Variants in CAPN9 observed in about 807,000 individuals in gnomAD.
CAPN9 encodes the protein calpain 9.
A neutral mutation model predicts 92.8 loss-of-function variants in CAPN9; 81 were observed. The observed-to-expected ratio is 0.87, with a 90% CI of 0.73 to 1.05. CAPN9 has a LOEUF of 1.05. Ranked by LOEUF, CAPN9 falls within the 50% of genes least tolerant of loss-of-function variation. CAPN9 has a pLI of 0.00. For missense variants in CAPN9, 848 were observed against 866.2 expected, an observed-to-expected ratio of 0.98 and a Z score of 0.26; for synonymous variants, 304 against 328.0, an observed-to-expected ratio of 0.93 and a Z score of 0.79.
intron 4 of CAPN9, among the ~76,000 whole-genome samples, chr1:230,764,250 G>A (rs1665825093): frequency 6.6e-6 from 1 of 152,216 alleles, no homozygotes; most frequent in East Asian, 1.9e-4. Flanking sequence ...ATGTGGACGA[G>A]CATTATTCAG....
chr1:230,751,585 CAAAGAAAGAAAG>C lies in CAPN9; in HGVS notation c.214-3738_214-3727del, dbSNP rs150498348. 3.1e-3 allele frequency among the ~76,000 whole-genome samples: 178 copies of C among 57,460 alleles called. 3 individuals carry two copies. Among genetic ancestry groups the C allele is most frequent in the South Asian group, 4.9e-3 (8 of 1,646 alleles). 37.7% of individuals were successfully genotyped at this position (57,460 alleles called of 152,430 possible). A position where few individuals can be genotyped will look rare whatever the true frequency, so the allele number is the denominator to read the frequency against. The stretch of plus-strand genomic sequence containing the variant: ...GAGAAAGAAAGAAAGAAGAAAGAAA[CAAAGAAAGAAAG>C]AAAGAAAGAAAGAGAAAGAAAGAAA... On this transcript the variant is annotated intron_variant, in intron 1 of 19. Coordinates refer to ENST00000271971, the MANE Select transcript of CAPN9 (RefSeq NM_006615.3).
At position 230,793,532 on chromosome 1, in the gene CAPN9, C is replaced by T. The variant is rs28359720; in HGVS notation, c.1870+604C>T. ...GATGGCTGTCGGCATCTCTGTGGTC[C>T]CATGTCCTGCACACACAACCGTAGT... On this transcript the variant is annotated intron_variant, in intron 17 of 19. Transcript: ENST00000271971. Among the ~76,000 whole-genome samples, 1,247 of 152,304 alleles carry T rather than the reference C, an allele frequency of 8.2e-3. 12 individuals are homozygous for T. Among genetic ancestry groups the T allele is most frequent in the East Asian group, 0.034 (176 of 5,176 alleles).
In CAPN9 at chr1:230,778,861, C is replaced by A. The variant is rs532569955; in HGVS notation, c.954-112C>A. 15 of 1,010,340 alleles carry A rather than the reference C, an allele frequency of 1.5e-5. No individual in the cohort carries two copies. The Admixed American group carries it at 3.3e-4, about 23-fold the overall frequency. 62.6% of individuals were successfully genotyped at this position (1,010,340 alleles called of 1,614,324 possible). On this transcript the variant is annotated intron_variant, in intron 8 of 19. Coordinates refer to ENST00000271971, the MANE Select transcript of CAPN9 (RefSeq NM_006615.3). Reference sequence around the variant, plus strand: ...CACTTTGCAGTCCCCCCACTCCTTGCGGACAGGAACAAGATGATTTAATGA... The same window carrying A: ...CACTTTGCAGTCCCCCCACTCCTTGAGGACAGGAACAAGATGATTTAATGA...
chr1:230,773,592 G>A (rs764312749), intron 7 of CAPN9, among the ~76,000 whole-genome samples: 6 of 152,180 alleles, frequency 3.9e-5, no homozygotes, highest in Non-Finnish European at 5.9e-5. Context: ...CCCTGACTTC[G>A]CTGTGCTGCT....
intron 19 of CAPN9, among the ~76,000 whole-genome samples, chr1:230,798,685 G>A (rs1242458657): frequency 6.6e-6 from 1 of 152,182 alleles, no homozygotes; most frequent in African/African-American, 2.4e-5. Flanking sequence ...TGACGGGGGT[G>A]GGAGACCATG....
At chr1:230,800,631 A>G (rs544862546) in intron 19 of CAPN9, among the ~76,000 whole-genome samples, 1 of 152,262 alleles carries the variant, frequency 6.6e-6, no homozygotes, top group Admixed American at 6.5e-5. Context: ...AGTGAAAACC[A>G]TTGCATTCTC....
chr1:230,781,720 A>G (rs375032411), intron 11 of CAPN9, among the ~76,000 whole-genome samples: 7 of 152,378 alleles, frequency 4.6e-5, no homozygotes, highest in South Asian at 4.1e-4. Context: ...TAAGTCTCCA[A>G]CAAAAGATCA....
intron 19 of CAPN9, among the ~76,000 whole-genome samples, chr1:230,800,280 AAGAAAG>A (rs1273612014): frequency 5.9e-5 from 8 of 134,500 alleles, no homozygotes; most frequent in African/African-American, 2.0e-4. Context: ...GAAAGAAAGA[AAGAAAG>A]AAAGAAAGAA....
chr1:230,776,383 C>T (rs1326190542), intron 8 of CAPN9: 1 of 150,964 alleles, frequency 6.6e-6, no homozygotes, highest in African/African-American at 2.4e-5. Context: ...GGGGAGACCA[C>T]AAACATTCAG....
At chr1:230,777,488 T>A (rs571621408) in intron 8 of CAPN9, among the ~76,000 whole-genome samples, 11 of 151,944 alleles carry the variant, frequency 7.2e-5, no homozygotes, top group South Asian at 6.2e-4. Flanking sequence ...TACGTATGAA[T>A]TCCCCCCTTC....
intron 1 of CAPN9, among the ~76,000 whole-genome samples, chr1:230,754,053 G>A (rs1357521153): frequency 1.4e-5 from 2 of 146,220 alleles, no homozygotes; most frequent in African/African-American, 5.1e-5. Flanking sequence ...CTTCTGGGAG[G>A]TGGTGGCAGC....
chr1:230,791,729 C>T lies in CAPN9; in HGVS notation c.1658-135C>T. 5.0e-6 allele frequency: 3 copies of T among 605,854 alleles called. 1 individual carries two copies. Among genetic ancestry groups the T allele is most frequent in the Non-Finnish European group, 8.9e-6 (3 of 336,934 alleles). The allele number at this position is 605,854 out of a possible 1,614,324, so 37.5% of individuals were successfully genotyped here. The stretch of plus-strand genomic sequence containing the variant: ...AGGTCATGTTAACTTCTACTCCTAC[C>T]AGCATCATAAGAGAGTAGCCACATC... On this transcript the variant is annotated intron_variant, in intron 14 of 19. Transcript: ENST00000271971.
At chr1:230,791,110 GTTTA>G (rs1323308698) in intron 14 of CAPN9, among the ~76,000 whole-genome samples, 1 of 152,080 alleles carries the variant, frequency 6.6e-6, no homozygotes, top group African/African-American at 2.4e-5. Flanking sequence ...GCCCTGTTCT[GTTTA>G]TTCATTCATC....
rs773466545 is a variant in CAPN9 at position 230,780,674 on chromosome 1, C to T, written c.1447C>T (p.Leu483=). Residue 483 remains leucine, a synonymous_variant, in exon 11 of 20, where the codon CTG becomes TTG. Transcript: ENST00000271971. ...GCCCCACCAGGAAGCTGATTTCTGTCTGAGAATCTTTTCAGAGAAAAAAGC... is the reference window on the plus strand; with the variant it reads ...GCCCCACCAGGAAGCTGATTTCTGTTTGAGAATCTTTTCAGAGAAAAAAGC... ...FEPHQEADFC[L]RIFSEKKAIT... 6.2e-7 allele frequency: 1 copy of T among 1,614,080 alleles called. No individual in the cohort carries two copies. Among genetic ancestry groups the T allele is most frequent in the Non-Finnish European group, 8.5e-7 (1 of 1,180,000 alleles).
chr1:230,798,084 GC>G, intron 18 of CAPN9, 77 bp from the exon 19 acceptor site: 1 of 1,023,754 alleles, frequency 9.8e-7, no homozygotes. Context: ...CCACTGGAAG[GC>G]CCTTTGGTCG....
rs763652570 is a variant in CAPN9, at chr1:230,780,604, C to A, written c.1377C>A (p.Phe459Leu). The change falls in exon 11 of 20, where the codon TTC becomes TTA. Residue 459 changes from phenylalanine to leucine, a missense_variant. Coordinates refer to ENST00000271971, the MANE Select transcript of CAPN9 (RefSeq NM_006615.3). ...ACCTGAGAGAAGTCTCCGACCGGTT[C>A]AAGCTGCCCCCTGGGGAGTACATCC... ...FINLREVSDRFKLPPGEYILI... is the reference protein window; with the variant it reads ...FINLREVSDRLKLPPGEYILI... 6 of 1,614,148 alleles carry A rather than the reference C, an allele frequency of 3.7e-6. No homozygotes were observed.
chr1:230,752,561 C>T (rs979888546), intron 1 of CAPN9: 7 of 390,090 alleles, frequency 1.8e-5, no homozygotes, highest in African/African-American at 8.9e-5. Flanking sequence ...ACAGTTGGTA[C>T]GGTTGGCGGG....
At chr1:230,773,409 C>A (rs1330102000) in intron 7 of CAPN9, among the ~76,000 whole-genome samples, 1 of 152,144 alleles carries the variant, frequency 6.6e-6, no homozygotes, top group African/African-American at 2.4e-5. Context: ...GTGCAGTGCC[C>A]CTCAACTTTG....
chr1:230,760,921 G>T (rs1450207813), intron 3 of CAPN9, among the ~76,000 whole-genome samples: 1 of 152,146 alleles, frequency 6.6e-6, no homozygotes, highest in African/African-American at 2.4e-5. Flanking sequence ...CACCTCTTGG[G>T]CTCCCAAAAG....
Sources: allele counts gnomAD v4.1 joint callset (sites outside exome capture counted in the v4.1 genomes callset), GRCh38; gene constraint gnomAD v4.1.1; transcripts MANE v1.5; gene names NCBI Gene and HGNC (gene_info 2026-07-23, HGNC 2026-07-21).